Variants in CASR observed in about 807,000 individuals in gnomAD.
The protein encoded by CASR is calcium sensing receptor, also known as extracellular calcium-sensing receptor.
In CASR, 23 loss-of-function variants were observed where a neutral mutation model predicts 69.1. The observed-to-expected ratio is 0.33, with a 90% CI of 0.24 to 0.47. The LOEUF is 0.47. Ranked by LOEUF, CASR falls within the 20% of genes least tolerant of loss-of-function variation. The pLI, the probability that CASR is intolerant of heterozygous loss-of-function variation, is 1.00. For missense variants in CASR, 924 were observed against 1,356.1 expected (o/e 0.68, Z 5.00); for synonymous variants, 541 against 544.7 (o/e 0.99, Z 0.10).
At chr3:122,270,526 C>T (rs2074746460) in intron 4 of CASR, among the ~76,000 whole-genome samples, 1 of 152,096 alleles carries the variant, frequency 6.6e-6, no homozygotes, top group Non-Finnish European at 1.5e-5. Context: ...TTGTCATCTC[C>T]TGTCTTCTGA....
chr3:122,260,420 A>G (rs1031666798), intron 3 of CASR, among the ~76,000 whole-genome samples: 4 of 152,230 alleles, frequency 2.6e-5, no homozygotes, highest in African/African-American at 7.2e-5. Context: ...AAACATGTCA[A>G]GACAGCTTCT....
rs746438858 is a variant in CASR, at chr3:122,262,132, G to A, written c.1097G>A (p.Gly366Glu). 1 of 1,614,186 alleles carries A rather than the reference G, an allele frequency of 6.2e-7. No homozygotes were observed. Among genetic ancestry groups the A allele is most frequent in the Non-Finnish European group, 8.5e-7 (1 of 1,180,024 alleles). Residue 366 changes from glycine to glutamate, a missense_variant, in exon 4 of 7, where the codon GGA becomes GAA. By Grantham distance (98) the Gly-to-Glu change is moderately conservative. This residue lies in a region of CASR where 310 missense variants were observed against 395.7 expected (regional missense o/e 0.78). Coordinates refer to ENST00000639785, the MANE Select transcript of CASR (RefSeq NM_000388.4). ...TGCCACCTCCAAGAAGGTGCAAAAG[G>A]ACCTTTACCTGTGGACACCTTTCTG... ...FNCHLQEGAK[G>E]PLPVDTFLRG...
chr3:122,211,816 A>G (rs1467304886), intron 1 of CASR, among the ~76,000 whole-genome samples: 3 of 152,198 alleles, frequency 2.0e-5, no homozygotes, highest in Non-Finnish European at 2.9e-5. Flanking sequence ...AAAAAGTTCA[A>G]CATCACTGAT....
intron 1 of CASR, among the ~76,000 whole-genome samples, chr3:122,195,205 C>T (rs982533269): frequency 1.3e-5 from 2 of 152,156 alleles, no homozygotes; most frequent in African/African-American, 4.8e-5. Flanking sequence ...TTGTCATTTC[C>T]TTGTAACAGG....
intron 1 of CASR, among the ~76,000 whole-genome samples, chr3:122,200,057 G>C (rs1391638208): frequency 4.6e-5 from 7 of 152,162 alleles, no homozygotes; most frequent in African/African-American, 1.7e-4. Context: ...ACAGGCATGA[G>C]CCATCACACC....
At chr3:122,258,828 T>TTGG (rs2074585986) in intron 3 of CASR, among the ~76,000 whole-genome samples, 1 of 151,940 alleles carries the variant, frequency 6.6e-6, no homozygotes, top group Non-Finnish European at 1.5e-5. Context: ...TAAGTCCCAC[T>TTGG]CCGCAAAGAT....
chr3:122,202,167 G>A (rs373088328), intron 1 of CASR, among the ~76,000 whole-genome samples: 79 of 152,318 alleles, frequency 5.2e-4, no homozygotes, highest in Admixed American at 5.9e-4. Context: ...CTGCAATCCC[G>A]GCACCTCGGG....
chr3:122,217,726 T>C (rs529443108), intron 1 of CASR, among the ~76,000 whole-genome samples: 1 of 152,324 alleles, frequency 6.6e-6, no homozygotes, highest in East Asian at 1.9e-4. Flanking sequence ...ACTATAGTTA[T>C]CTGTACAAAT....
At chr3:122,193,711 G>A (rs1180170147) in intron 1 of CASR, among the ~76,000 whole-genome samples, 1 of 152,170 alleles carries the variant, frequency 6.6e-6, no homozygotes, top group Non-Finnish European at 1.5e-5. Context: ...CTTTTCAAAT[G>A]TGTAAGATTG....
intron 3 of CASR, chr3:122,257,787 T>C (rs949029318): frequency 1.7e-5 from 3 of 174,714 alleles, no homozygotes; most frequent in Non-Finnish European, 2.5e-5. Context: ...TCCTGAAAAG[T>C]CTCGCTGCTC....
chr3:122,278,822 G>C (rs1245082121), intron 5 of CASR, among the ~76,000 whole-genome samples: 1 of 152,200 alleles, frequency 6.6e-6, no homozygotes, highest in Non-Finnish European at 1.5e-5. Flanking sequence ...GTGACCTTCA[G>C]CCTGTTCCTT....
chr3:122,282,197 T>G lies in CASR; in HGVS notation c.1693T>G (p.Cys565Gly), dbSNP rs1559967708. The G allele has an allele frequency of 6.2e-7, 1 of 1,613,794 alleles. No individual in the cohort carries two copies. Among genetic ancestry groups the G allele is most frequent in the Admixed American group, 1.7e-5 (1 of 59,978 alleles). The part of the protein sequence containing the change: ...IEGEPTCCFE[C>G]VECPDGEYSD... ...GGGGGAGCCCACCTGCTGCTTTGAG[T>G]GTGTGGAGTGTCCTGATGGGGAGTA... The change falls in exon 6 of 7, where the codon TGT becomes GGT. Residue 565 changes from cysteine (C) to glycine (G), a missense_variant. Cys to Gly is a radical substitution (Grantham distance 159). Around this residue, in one of 8 missense-constraint regions of CASR, gnomAD observed 18 missense variants for 57.9 expected, o/e 0.31. Transcript: ENST00000639785.
rs200443784 is a variant in CASR at position 122,262,271 on chromosome 3, G to T, written c.1236G>T (p.Thr412=). ...SSVETPYIDY[T]HLRISYNVYL... The stretch of plus-strand genomic sequence containing the variant: ...TCGAGACCCCTTACATAGATTACAC[G>T]CATTTACGGATATCCTACAATGTGT... The change falls in exon 4 of 7, where the codon ACG becomes ACT. Residue 412 remains threonine (T), a synonymous_variant. Transcript: ENST00000639785. 33 of 1,614,102 alleles carry T rather than the reference G, an allele frequency of 2.0e-5. No individual in the cohort carries two copies. The highest frequency in any genetic ancestry group is 2.8e-5 in the Non-Finnish European group (33 of 1,179,994).
At chr3:122,239,354 G>A (rs573468117) in intron 1 of CASR, among the ~76,000 whole-genome samples, 3 of 152,238 alleles carry the variant, frequency 2.0e-5, no homozygotes, top group Non-Finnish European at 4.4e-5. Flanking sequence ...AGGGAACAGT[G>A]AGAAGGACTT....
chr3:122,206,005 T>C (rs1379244031), intron 1 of CASR, among the ~76,000 whole-genome samples: 1 of 152,050 alleles, frequency 6.6e-6, no homozygotes, highest in African/African-American at 2.4e-5. Flanking sequence ...TAAGATCATG[T>C]TGTCTGTAGA....
At chr3:122,227,477 G>A (rs1393251349) in intron 1 of CASR, among the ~76,000 whole-genome samples, 1 of 152,228 alleles carries the variant, frequency 6.6e-6, no homozygotes, top group Non-Finnish European at 1.5e-5. Context: ...CCAAGTGCAG[G>A]GCCGCTGAGC....
chr3:122,282,817 C>T (rs1355069160), intron 6 of CASR, among the ~76,000 whole-genome samples: 1 of 152,164 alleles, frequency 6.6e-6, no homozygotes, highest in East Asian at 1.9e-4. Flanking sequence ...TATCCTCACC[C>T]CAGTGATGGG....
intron 1 of CASR, among the ~76,000 whole-genome samples, chr3:122,240,692 T>C (rs943843804): frequency 2.0e-5 from 3 of 152,204 alleles, no homozygotes; most frequent in African/African-American, 4.8e-5. Flanking sequence ...ACCTAATAGA[T>C]ATTTACAGAA....
intron 1 of CASR, among the ~76,000 whole-genome samples, chr3:122,213,225 GGAA>G (rs2074085875): frequency 1.3e-5 from 2 of 152,194 alleles, no homozygotes; most frequent in East Asian, 1.9e-4. Flanking sequence ...CCTCATTGTT[GGAA>G]GAAGGACATT....
Sources: gnomAD v4.1 joint callset for allele counts (sites outside exome capture counted in the v4.1 genomes callset) on GRCh38, gnomAD v4.1.1 for gene constraint, gnomAD v4.1.1 regional missense constraint, MANE v1.5 for transcripts, NCBI Gene and HGNC (gene_info 2026-07-23, HGNC 2026-07-21) for gene names.